SPMAP2L: variants seen among roughly 807,000 people sequenced by gnomAD.
SPMAP2L encodes the protein sperm microtubule associated protein 2-like.
At chr4:56,609,227 G>C in the SPMAP2L span, among the ~76,000 whole-genome samples, 1 of 151,888 alleles carries the variant, frequency 6.6e-6, no homozygotes, top group African/African-American at 2.4e-5. Flanking sequence ...ATTTTTAGTA[G>C]AGGCAGGGTT....
At chr4:56,537,756 G>T in the SPMAP2L span, among the ~76,000 whole-genome samples, 3 of 150,834 alleles carry the variant, frequency 2.0e-5, no homozygotes, top group Admixed American at 1.3e-4. Flanking sequence ...AGTGGCGCGC[G>T]ATCTCGGCTC....
the SPMAP2L span, among the ~76,000 whole-genome samples, chr4:56,556,892 AAT>A: frequency 3.9e-5 from 6 of 152,132 alleles, no homozygotes; most frequent in Admixed American, 3.9e-4. Flanking sequence ...TAAAAATAAT[AAT>A]AATATTGAAG....
At chr4:56,569,995 A>G in the SPMAP2L span, among the ~76,000 whole-genome samples, 1 of 152,204 alleles carries the variant, frequency 6.6e-6, no homozygotes, top group African/African-American at 2.4e-5. Context: ...AAAACTGTAT[A>G]TATACTGTGA....
the SPMAP2L span, among the ~76,000 whole-genome samples, chr4:56,568,007 ATC>A: frequency 6.6e-6 from 1 of 151,980 alleles, no homozygotes; most frequent in Non-Finnish European, 1.5e-5. Context: ...AGCACATTGA[ATC>A]TGTTTCCTCA....
At chr4:56,625,464 G>A in the SPMAP2L span, among the ~76,000 whole-genome samples, 1 of 152,084 alleles carries the variant, frequency 6.6e-6, no homozygotes, top group Non-Finnish European at 1.5e-5. Flanking sequence ...ATATGGTTTG[G>A]CTATGTTCCC....
chr4:56,595,599 A>G, the SPMAP2L span: 1 of 1,329,576 alleles, frequency 7.5e-7, no homozygotes, highest in Non-Finnish European at 1.1e-6. Flanking sequence ...ACCAGAGAAC[A>G]AATTCTGGCC....
chr4:56,617,582 G>T, the SPMAP2L span, among the ~76,000 whole-genome samples: 1 of 152,180 alleles, frequency 6.6e-6, no homozygotes, highest in Non-Finnish European at 1.5e-5. Context: ...CCCCACGGCA[G>T]TGTCTAGGGG....
the SPMAP2L span, among the ~76,000 whole-genome samples, chr4:56,567,442 G>GTTTTTTTTTTTTTTTTTT: frequency 1.5e-5 from 1 of 65,580 alleles, no homozygotes; most frequent in Non-Finnish European, 2.8e-5. Flanking sequence ...AATTTTGGTG[G>GTTTTTTTTTTTTTTTTTT]TTTTTTTTTT....
At chr4:56,597,290 G>A in the SPMAP2L span, among the ~76,000 whole-genome samples, 21 of 152,212 alleles carry the variant, frequency 1.4e-4, no homozygotes, top group East Asian at 3.5e-3. Flanking sequence ...GGAGATAGCC[G>A]CCCTCACCGA....
chr4:56,587,780 C>T, the SPMAP2L span, among the ~76,000 whole-genome samples: 2 of 152,138 alleles, frequency 1.3e-5, no homozygotes, highest in Non-Finnish European at 1.5e-5. Flanking sequence ...TATAAACATG[C>T]ATGTGCAAGT....
the SPMAP2L span, among the ~76,000 whole-genome samples, chr4:56,622,475 T>G: frequency 6.6e-6 from 1 of 152,240 alleles, no homozygotes; most frequent in Non-Finnish European, 1.5e-5. Context: ...CTAGGCTTAT[T>G]TATTAAGTAA....
At chr4:56,616,797 C>T in the SPMAP2L span, among the ~76,000 whole-genome samples, 2 of 152,206 alleles carry the variant, frequency 1.3e-5, no homozygotes, top group Non-Finnish European at 2.9e-5. Flanking sequence ...TATTAGCCTT[C>T]ATCTGCCAAC....
the SPMAP2L span, among the ~76,000 whole-genome samples, chr4:56,549,084 G>C: frequency 1.3e-5 from 2 of 151,614 alleles, no homozygotes; most frequent in East Asian, 1.9e-4. Context: ...TGCCTCCCGG[G>C]TTCAAGTGAT....
the SPMAP2L span, among the ~76,000 whole-genome samples, chr4:56,619,819 A>G: frequency 2.0e-5 from 3 of 152,246 alleles, no homozygotes; most frequent in Admixed American, 6.5e-5. Context: ...AAACTATTTG[A>G]TAAGGGGTTA....
the SPMAP2L span, chr4:56,559,502 G>A: frequency 6.5e-7 from 1 of 1,527,758 alleles, no homozygotes; most frequent in Admixed American, 2.1e-5. Context: ...GAAGTTTCCT[G>A]CCACTATGTA....
At chr4:56,570,296 G>A in the SPMAP2L span, among the ~76,000 whole-genome samples, 1 of 152,142 alleles carries the variant, frequency 6.6e-6, no homozygotes, top group Admixed American at 6.5e-5. Flanking sequence ...ACAGTTATGC[G>A]TTACTTAATG....
the SPMAP2L span, among the ~76,000 whole-genome samples, chr4:56,564,342 G>A: frequency 3.3e-5 from 5 of 152,218 alleles, no homozygotes; most frequent in South Asian, 1.0e-3. Context: ...GTTTCACCGT[G>A]TTGGTCTGGC....
At chr4:56,596,179 A>G in the SPMAP2L span, among the ~76,000 whole-genome samples, 2 of 152,126 alleles carry the variant, frequency 1.3e-5, no homozygotes, top group Non-Finnish European at 2.9e-5. Context: ...ATCTGTAATC[A>G]CATTTCTGAG....
chr4:56,585,933 G>A, the SPMAP2L span, among the ~76,000 whole-genome samples: 1 of 152,158 alleles, frequency 6.6e-6, no homozygotes, highest in Non-Finnish European at 1.5e-5. Context: ...CAGCCTTAAA[G>A]TTCTCATCTA....
Sources: gnomAD v4.1 joint callset for allele counts (sites outside exome capture counted in the v4.1 genomes callset) on GRCh38, gnomAD v4.1.1 for gene constraint, MANE v1.5 for transcripts, NCBI Gene and HGNC (gene_info 2026-07-23, HGNC 2026-07-21) for gene names.